The following C7 variants were observed in gnomAD, a reference collection of about 807,000 sequenced individuals.
C7 encodes the protein complement component C7.
A neutral mutation model predicts 104.8 loss-of-function variants in C7; 83 were observed. The observed-to-expected ratio is 0.79, with a 90% CI of 0.66 to 0.95. The LOEUF is 0.95. Ranked by LOEUF, C7 falls within the 40% of genes least tolerant of loss-of-function variation. The probability of loss-of-function intolerance (pLI) is 0.00; values close to 1 mark genes in which losing one functional copy is unlikely to be tolerated. For missense variants in C7, 1,070 were observed against 1,011.2 expected, an observed-to-expected ratio of 1.06 and a Z score of -0.79; for synonymous variants, 415 against 360.6, an observed-to-expected ratio of 1.15 and a Z score of -1.71.
rs370684980 is a variant in C7 at position 40,947,783 on chromosome 5, G to T, written c.920G>T (p.Gly307Val). 13 of 1,613,240 alleles carry T rather than the reference G, an allele frequency of 8.1e-6. No individual in the cohort carries two copies. The African/African-American group carries it at 1.7e-4, about 22-fold the overall frequency. Residue 307 changes from glycine to valine, a missense_variant, in exon 8 of 18, where the codon GGG (glycine) becomes GTG (valine). Physicochemically the swap from Gly to Val is moderately radical, Grantham distance 109. Coordinates refer to ENST00000313164, the MANE Select transcript of C7 (RefSeq NM_000587.4). ...DQYGTHYLQS[G>V]SLGGEYRVLF... is the part of the protein sequence containing the mutation. ...TACGGGACACATTATCTGCAATCTG[G>T]GTCGTTAGGAGGAGAATACAGAGTT... is the stretch of plus-strand genomic sequence containing the variant.
At chr5:40,918,268 G>C (rs1271232795) in intron 1 of C7, among the ~76,000 whole-genome samples, 3 of 151,888 alleles carry the variant, frequency 2.0e-5, no homozygotes, top group Non-Finnish European at 4.4e-5. Context: ...GCTGAGGTGG[G>C]AGCATCATTT....
chr5:40,959,464 G>A lies in C7; in HGVS notation c.1505G>A (p.Gly502Asp). The A allele has an allele frequency of 6.2e-7, 1 of 1,610,910 alleles. No homozygotes were observed. The highest frequency in any genetic ancestry group is 8.5e-7 in the Non-Finnish European group (1 of 1,179,148). ...CATCTTGTAGGAGGGGTTGATGGAG[G>A]TTGGAGTTGCTGGTCCTCTTGGAGC... ...VGNQAGGVDG[G>D]WSCWSSWSPC... The change falls in exon 12 of 18, where the codon GGT becomes GAT. Residue 502 changes from glycine (G) to aspartate (D), a missense_variant. Physicochemically the swap from Gly to Asp is moderately conservative, Grantham distance 94. Coordinates refer to ENST00000313164, the MANE Select transcript of C7 (RefSeq NM_000587.4).
At chr5:40,966,842 G>C (rs1740565959) in intron 14 of C7, among the ~76,000 whole-genome samples, 1 of 151,986 alleles carries the variant, frequency 6.6e-6, no homozygotes, top group Non-Finnish European at 1.5e-5. Context: ...TGACTGATGG[G>C]CATTGTCTTT....
In C7 at chr5:40,972,350, A is replaced by G. The variant is rs1031568664; in HGVS notation, c.1883-53A>G. 1.4e-5 allele frequency: 20 copies of G among 1,480,232 alleles called. No homozygotes were observed. The South Asian group carries it at 2.1e-4, about 15-fold the overall frequency. The allele number at this position is 1,480,232 out of a possible 1,614,324, so 91.7% of individuals were successfully genotyped here. On this transcript the variant is annotated intron_variant, in intron 14 of 17. Coordinates refer to ENST00000313164, the MANE Select transcript of C7 (RefSeq NM_000587.4). ...CTGCATCACATAAGACTTTTTTAAAAAGATGGTTTAGGAGAGCAACGACCC... is the reference window on the plus strand; with the variant it reads ...CTGCATCACATAAGACTTTTTTAAAGAGATGGTTTAGGAGAGCAACGACCC...
chr5:40,955,346 T>C (rs1740265130), intron 9 of C7, 41 bp from the exon 10 acceptor site: 3 of 1,553,066 alleles, frequency 1.9e-6, no homozygotes, highest in South Asian at 2.5e-5. Flanking sequence ...TTTTAAATAC[T>C]TGATAGACTT....
At chr5:40,935,319 C>T (rs1194987818) in intron 4 of C7, among the ~76,000 whole-genome samples, 1 of 152,164 alleles carries the variant, frequency 6.6e-6, no homozygotes, top group African/African-American at 2.4e-5. Context: ...TCCTTGAAGA[C>T]ATGAATTATA....
intron 1 of C7, among the ~76,000 whole-genome samples, chr5:40,921,028 G>A (rs576293326): frequency 5.3e-4 from 76 of 143,046 alleles, no homozygotes; most frequent in Admixed American, 3.3e-3. Context: ...CAGCCTGGGC[G>A]ACAGAGCAAG....
At chr5:40,979,594 AC>A (rs1339463662) in intron 16 of C7, 130 bp from the exon 17 acceptor site, 89 of 612,020 alleles carry the variant, frequency 1.5e-4, no homozygotes, top group Non-Finnish European at 2.0e-4. Flanking sequence ...TTGAGTTTCC[AC>A]CTTTTTTTTT....
intron 1 of C7, among the ~76,000 whole-genome samples, chr5:40,913,271 C>T (rs572986190): frequency 1.6e-4 from 24 of 152,142 alleles, no homozygotes; most frequent in African/African-American, 4.3e-4. Context: ...CATACGAGTA[C>T]GGGTATCTTT....
In C7 at chr5:40,965,645, TA is replaced by T. The variant is rs1354591211; in HGVS notation, c.1882+773del. Among the ~76,000 whole-genome samples the T allele has an allele frequency of 4.2e-3, 296 of 70,806 alleles. 3 individuals carry two copies. The highest frequency in any genetic ancestry group is 0.018 in the African/African-American group (244 of 13,804). 46.5% of individuals were successfully genotyped at this position (70,806 alleles called of 152,430 possible). A position where few individuals can be genotyped will look rare whatever the true frequency, so the allele number is the denominator to read the frequency against. On this transcript the variant is annotated intron_variant, in intron 14 of 17. Transcript: ENST00000313164. ...GTATAGTGATATATATATATATATATATATTTTTTTTTTGGAGACAGAGTCT... is the reference window on the plus strand; with the variant it reads ...GTATAGTGATATATATATATATATATTATTTTTTTTTTGGAGACAGAGTCT...
At position 40,958,053 on chromosome 5, in the gene C7, G is replaced by A; in HGVS notation, c.1281G>A (p.Leu427=). ...TATAGCTGACACCTTTATATGAGCTGGTAAAGGAAGTACCTTGTGCCTCTG... is the reference window on the plus strand; with the variant it reads ...TATAGCTGACACCTTTATATGAGCTAGTAAAGGAAGTACCTTGTGCCTCTG... ...IKQKLTPLYE[L]VKEVPCASVK... is the part of the protein sequence containing the mutation. The change falls in exon 11 of 18, where the codon CTG becomes CTA. Residue 427 remains leucine (L), a synonymous_variant. Transcript: ENST00000313164. 1 of 1,612,432 alleles carries A rather than the reference G, an allele frequency of 6.2e-7. No individual in the cohort carries two copies. Among genetic ancestry groups the A allele is most frequent in the Non-Finnish European group, 8.5e-7 (1 of 1,178,760 alleles).
chr5:40,946,597 T>C (rs910793632), intron 7 of C7, among the ~76,000 whole-genome samples: 5 of 152,270 alleles, frequency 3.3e-5, no homozygotes, highest in African/African-American at 1.2e-4. Context: ...ATAAAGTAGC[T>C]TCACCTGCAA....
intron 1 of C7, among the ~76,000 whole-genome samples, chr5:40,918,666 T>G (rs1739375790): frequency 6.9e-6 from 1 of 144,940 alleles, no homozygotes; most frequent in Non-Finnish European, 1.5e-5. Flanking sequence ...TAAGACAAAA[T>G]AGACTTAAAG....
Position 40,936,503 on chromosome 5 carries a change from C to G in C7, c.428+18C>G, listed in dbSNP as rs773453217. The G allele has an allele frequency of 5.0e-6, 8 of 1,606,066 alleles. No individual in the cohort carries two copies. Among genetic ancestry groups the G allele is most frequent in the Middle Eastern group, 3.3e-4 (2 of 6,034 alleles). On this transcript the variant is annotated intron_variant, in intron 5 of 17. Coordinates refer to ENST00000313164, the MANE Select transcript of C7 (RefSeq NM_000587.4). ...GGAAATGGGTAAGGTGCTGGGCAGC[C>G]TCCTGAGTACATCAGTGAATTGTAG...
chr5:40,953,764 C>T lies in C7; in HGVS notation c.1094-1623C>T, dbSNP rs183135133. On this transcript the variant is annotated intron_variant, in intron 9 of 17. Transcript: ENST00000313164. ...GACAAGATTTGAAATGTTCCCAACA[C>T]AAACAAATGGTAAGGTGATGGATAT... 8.6e-5 allele frequency among the ~76,000 whole-genome samples: 13 copies of T among 151,612 alleles called. 1 individual carries two copies. Among genetic ancestry groups the T allele is most frequent in the Admixed American group, 5.3e-4 (8 of 15,230 alleles).
At chr5:40,927,440 G>A (rs986295410) in intron 1 of C7, among the ~76,000 whole-genome samples, 1 of 151,992 alleles carries the variant, frequency 6.6e-6, no homozygotes, top group Non-Finnish European at 1.5e-5. Context: ...AGGAGACAAT[G>A]ATCAGTTTTC....
intron 1 of C7, among the ~76,000 whole-genome samples, chr5:40,924,751 G>A (rs1336549366): frequency 1.3e-5 from 2 of 152,206 alleles, no homozygotes; most frequent in African/African-American, 4.8e-5. Context: ...CTTACAGTTT[G>A]CACCTGCTGA....
At position 40,972,460 on chromosome 5, in the gene C7, C is replaced by G. The variant is rs1047977945; in HGVS notation, c.1940C>G (p.Pro647Arg). 3.7e-6 allele frequency: 6 copies of G among 1,613,726 alleles called. No homozygotes were observed. The African/African-American group carries it at 8.0e-5, about 22-fold the overall frequency. ...MDGIQSHPQK[P>R]FYTVGEKVTV... is the part of the protein sequence containing the mutation. ...GGCATACAGAGTCACCCCCAAAAACCTTTCTACACAGTTGGTGAGAAGGTG... is the reference window on the plus strand; with the variant it reads ...GGCATACAGAGTCACCCCCAAAAACGTTTCTACACAGTTGGTGAGAAGGTG... Residue 647 changes from proline to arginine, a missense_variant, in exon 15 of 18, where the codon CCT becomes CGT. Pro to Arg is a moderately radical substitution (Grantham distance 103). Transcript: ENST00000313164.
chr5:40,955,040 A>G, intron 9 of C7: 1 of 242,288 alleles, frequency 4.1e-6, no homozygotes, highest in Non-Finnish European at 7.9e-6. Context: ...CCCCACTATC[A>G]ACATCTCCTA....
Sources: allele counts gnomAD v4.1 joint callset (sites outside exome capture counted in the v4.1 genomes callset), GRCh38; gene constraint gnomAD v4.1.1; transcripts MANE v1.5; gene names NCBI Gene and HGNC (gene_info 2026-07-23, HGNC 2026-07-21).